Variants in MCF2L2 observed in about 807,000 individuals in gnomAD.
MCF2L2 encodes MCF.2 cell line derived transforming sequence-like 2.
Under a neutral mutation model 150.2 loss-of-function variants are expected in MCF2L2, and 102 were observed. The ratio of observed to expected loss-of-function variants is 0.68; its 90% CI spans 0.58 to 0.80. MCF2L2 has a LOEUF of 0.80. Ranked by LOEUF, MCF2L2 falls within the 30% of genes least tolerant of loss-of-function variation. The pLI, the probability that MCF2L2 is intolerant of heterozygous loss-of-function variation, is 0.00. For synonymous variants in MCF2L2, 465 were observed against 491.3 expected (o/e 0.95, Z 0.71); for missense variants, 1,256 against 1,372.8 (o/e 0.91, Z 1.34).
intron 3 of MCF2L2, chr3:183,375,592 C>T (rs1577104009): frequency 6.6e-6 from 1 of 152,160 alleles, no homozygotes; most frequent in Admixed American, 6.5e-5. Context: ...ATGCTGTGGG[C>T]TCTCATAGAG....
intron 5 of MCF2L2, among the ~76,000 whole-genome samples, chr3:183,327,579 T>C (rs531810481): frequency 6.6e-6 from 1 of 152,292 alleles, no homozygotes; most frequent in East Asian, 1.9e-4. Flanking sequence ...CTCCTCATGT[T>C]CCCTTTAAAA....
At chr3:183,298,765 G>GCGCGCGTGCA in intron 11 of MCF2L2, 9 of 138,500 alleles carry the variant, frequency 6.5e-5, no homozygotes, top group African/African-American at 2.6e-4. Flanking sequence ...AAACACACAT[G>GCGCGCGTGCA]CACACACACA....
intron 3 of MCF2L2, chr3:183,375,682 T>C (rs1315686293): frequency 1.3e-5 from 2 of 152,166 alleles, no homozygotes. Context: ...CTAATTAATT[T>C]CAGGCACAAA....
intron 22 of MCF2L2, among the ~76,000 whole-genome samples, chr3:183,210,143 G>A (rs1015800929): frequency 8.5e-5 from 13 of 152,106 alleles, no homozygotes; most frequent in African/African-American, 2.2e-4. Context: ...GGAGCTTGGC[G>A]CCTGCCTGTA....
At chr3:183,269,464 G>A (rs1156587619) in intron 15 of MCF2L2, 2 of 230,348 alleles carry the variant, frequency 8.7e-6, no homozygotes, top group Admixed American at 5.4e-5. Context: ...TAACCCACGC[G>A]ATTGTGATTC....
chr3:183,425,386 T>G (rs553611363), intron 1 of MCF2L2, among the ~76,000 whole-genome samples: 1 of 152,088 alleles, frequency 6.6e-6, no homozygotes, highest in Admixed American at 6.5e-5. Context: ...GTGGCTAGGA[T>G]AGGACCCGGA....
At chr3:183,312,593 C>A (rs776060822) in intron 7 of MCF2L2, among the ~76,000 whole-genome samples, 6 of 152,204 alleles carry the variant, frequency 3.9e-5, no homozygotes, top group Non-Finnish European at 5.9e-5. Context: ...AGAACAGGCC[C>A]ATACTTCTAA....
At chr3:183,326,504 A>C (rs1236022242) in intron 5 of MCF2L2, among the ~76,000 whole-genome samples, 12 of 148,928 alleles carry the variant, frequency 8.1e-5, no homozygotes, top group Admixed American at 6.7e-4. Context: ...AAAAAAAAAA[A>C]AAAAAAAAAA....
At chr3:183,271,578 C>CTT (rs966677782) in intron 15 of MCF2L2, 7 of 166,850 alleles carry the variant, frequency 4.2e-5, no homozygotes, top group African/African-American at 1.7e-4. Flanking sequence ...TTAATGTGAA[C>CTT]TTTTAGAAAA....
intron 27 of MCF2L2, among the ~76,000 whole-genome samples, chr3:183,186,330 G>A (rs1481069729): frequency 2.0e-5 from 3 of 152,016 alleles, no homozygotes; most frequent in East Asian, 3.9e-4. Context: ...CATGGCTTAC[G>A]GCAGCCTCAA....
At chr3:183,391,498 G>C (rs1027206567) in intron 1 of MCF2L2, among the ~76,000 whole-genome samples, 1 of 152,140 alleles carries the variant, frequency 6.6e-6, no homozygotes, top group African/African-American at 2.4e-5. Flanking sequence ...TATAAAAAGG[G>C]GGCCTTCTCT....
chr3:183,221,437 G>A (rs1001940095), intron 20 of MCF2L2, among the ~76,000 whole-genome samples: 1 of 152,154 alleles, frequency 6.6e-6, no homozygotes, highest in Admixed American at 6.5e-5. Context: ...CTGAGTTCAC[G>A]CAGCCTGGAA....
At chr3:183,349,374 G>C (rs148145813) in intron 3 of MCF2L2, among the ~76,000 whole-genome samples, 236 of 152,232 alleles carry the variant, frequency 1.6e-3, no homozygotes, top group African/African-American at 5.6e-3. Context: ...TCACATGAAT[G>C]TTGACATACT....
In MCF2L2 at chr3:183,244,382, G is replaced by C. The variant is rs145828524; in HGVS notation, c.1863-13365C>G. On this transcript the variant is annotated intron_variant, in intron 15 of 29. Transcript: ENST00000328913. Reference sequence around the variant, plus strand: ...CCACAGACTGCAGGCTGCACTATCAGCTTCCCTATTTTTGAGGTTTTGGGA... The same window carrying C: ...CCACAGACTGCAGGCTGCACTATCACCTTCCCTATTTTTGAGGTTTTGGGA... 4.3e-3 allele frequency among the ~76,000 whole-genome samples: 648 copies of C among 152,206 alleles called. 6 individuals are homozygous for C. Among genetic ancestry groups the C allele is most frequent in the Admixed American group, 0.011 (161 of 15,290 alleles).
intron 15 of MCF2L2, among the ~76,000 whole-genome samples, chr3:183,234,206 C>T (rs1723698403): frequency 7.5e-6 from 1 of 133,686 alleles, no homozygotes; most frequent in East Asian, 2.1e-4. Flanking sequence ...TACAATCAGC[C>T]TCTTATGCCT....
chr3:183,332,626 A>G (rs1730318349), intron 5 of MCF2L2, among the ~76,000 whole-genome samples: 1 of 152,180 alleles, frequency 6.6e-6, no homozygotes, highest in South Asian at 2.1e-4. Flanking sequence ...GCTCAGTTCC[A>G]ACTCCAAACG....
intron 25 of MCF2L2, 96 bp from the exon 26 acceptor site, chr3:183,195,351 G>C: frequency 3.8e-6 from 3 of 793,310 alleles, no homozygotes. Context: ...TATGCATAAA[G>C]AGAATACTAT....
In MCF2L2 at chr3:183,300,952, T is replaced by C. The variant is rs9837452; in HGVS notation, c.1114-756A>G. ...ATCGCTTGAACCCGGGAGGCGGAGA[T>C]TGCAGTGAATTGAGATTGCGCCACT... On this transcript the variant is annotated intron_variant, in intron 10 of 29. Transcript: ENST00000328913. 6.2e-3 allele frequency among the ~76,000 whole-genome samples: 911 copies of C among 147,496 alleles called. 9 individuals carry two copies. Among genetic ancestry groups the C allele is most frequent in the African/African-American group, 0.02 (806 of 39,706 alleles).
intron 15 of MCF2L2, among the ~76,000 whole-genome samples, chr3:183,240,978 T>G (rs550671881): frequency 1.3e-5 from 2 of 152,380 alleles, no homozygotes; most frequent in South Asian, 2.1e-4. Flanking sequence ...CCTGGCTCCA[T>G]GATAGGCACT....
Sources: gnomAD v4.1 joint callset for allele counts (sites outside exome capture counted in the v4.1 genomes callset) on GRCh38, gnomAD v4.1.1 for gene constraint, MANE v1.5 for transcripts, NCBI Gene and HGNC (gene_info 2026-07-23, HGNC 2026-07-21) for gene names.